Variants in AP3B2 observed in about 807,000 individuals in gnomAD.
The protein encoded by AP3B2 is adaptor related protein complex 3 subunit beta 2.
A neutral mutation model predicts 126.9 loss-of-function variants in AP3B2; 50 were observed. The observed-to-expected ratio is 0.39, with a 90% CI of 0.31 to 0.50. The LOEUF (loss-of-function observed/expected upper bound fraction) is 0.50. Ranked by LOEUF, AP3B2 falls within the 20% of genes least tolerant of loss-of-function variation. The pLI, the probability that AP3B2 is intolerant of heterozygous loss-of-function variation, is 0.79. For synonymous variants in AP3B2, 541 were observed against 565.0 expected, an observed-to-expected ratio of 0.96 and a Z score of 0.60; for missense variants, 1,177 against 1,426.4, an observed-to-expected ratio of 0.83 and a Z score of 2.82.
intron 10 of AP3B2, 142 bp downstream of exon 10, chr15:82,679,587 A>T: frequency 1.3e-6 from 1 of 751,330 alleles, no homozygotes; most frequent in Non-Finnish European, 2.2e-6. Flanking sequence ...CCCTGAACAA[A>T]CAGCTCCAGC....
intron 1 of AP3B2, chr15:82,689,901 G>C (rs377379874): frequency 6.8e-4 from 110 of 161,384 alleles, no homozygotes; most frequent in African/African-American, 2.5e-3. Flanking sequence ...CCTGGAGTTC[G>C]AGACCAGCCT....
intron 1 of AP3B2, among the ~76,000 whole-genome samples, chr15:82,703,382 CA>C (rs1198389230): frequency 1.8e-4 from 23 of 127,100 alleles, no homozygotes; most frequent in Admixed American, 3.1e-4. Flanking sequence ...TCCTGGGGGG[CA>C]AAGCACCCCC....
intron 14 of AP3B2, among the ~76,000 whole-genome samples, chr15:82,674,713 C>T (rs953917629): frequency 8.5e-5 from 13 of 152,210 alleles, no homozygotes; most frequent in Admixed American, 8.5e-4. Flanking sequence ...AACAAATGCA[C>T]ATGTAGCTCA....
intron 25 of AP3B2, among the ~76,000 whole-genome samples, chr15:82,660,659 T>C (rs2047926715): frequency 6.6e-6 from 1 of 152,136 alleles, no homozygotes; most frequent in Non-Finnish European, 1.5e-5. Context: ...TCAGCCTCTT[T>C]CCTCCCTCCA....
intron 1 of AP3B2, chr15:82,692,116 A>T: frequency 5.4e-6 from 8 of 1,493,404 alleles, no homozygotes; most frequent in Non-Finnish European, 7.4e-6. Flanking sequence ...CCGACTTCGT[A>T]AGTCCTGGAG....
intron 12 of AP3B2, 89 bp downstream of exon 12, chr15:82,677,582 G>A: frequency 2.1e-6 from 3 of 1,448,546 alleles, no homozygotes; most frequent in Non-Finnish European, 2.8e-6. Context: ...TGTCTAGGCA[G>A]ACTGGTGGAT....
chr15:82,679,893 G>A (rs769075419), intron 9 of AP3B2, 93 bp from the exon 10 acceptor site: 18 of 1,216,216 alleles, frequency 1.5e-5, no homozygotes, highest in Non-Finnish European at 2.2e-5. Flanking sequence ...CCAGCGCCCA[G>A]GATCCTTGCC....
intron 1 of AP3B2, among the ~76,000 whole-genome samples, chr15:82,700,797 G>C (rs1436849122): frequency 1.3e-5 from 2 of 152,106 alleles, no homozygotes; most frequent in Non-Finnish European, 2.9e-5. Flanking sequence ...CCGAAAAAGG[G>C]AAAGTCTTTA....
chr15:82,700,268 T>C (rs1292673481), intron 1 of AP3B2, among the ~76,000 whole-genome samples: 1 of 151,502 alleles, frequency 6.6e-6, no homozygotes, highest in Admixed American at 6.6e-5. Flanking sequence ...CCATCAACCT[T>C]CTCTTATCTC....
intron 13 of AP3B2, among the ~76,000 whole-genome samples, 200 bp from the exon 14 acceptor site, chr15:82,676,837 A>G (rs1362844600): frequency 6.6e-6 from 1 of 152,216 alleles, no homozygotes; most frequent in Non-Finnish European, 1.5e-5. Context: ...CCTCTTCCCT[A>G]GGGCTTCATT....
intron 1 of AP3B2, among the ~76,000 whole-genome samples, chr15:82,707,053 C>T (rs1030588391): frequency 8.5e-5 from 13 of 152,264 alleles, no homozygotes; most frequent in African/African-American, 1.9e-4. Flanking sequence ...AAGGCCACTG[C>T]GGTCATTTCT....
At chr15:82,670,097 T>G (rs887615865) in intron 14 of AP3B2, among the ~76,000 whole-genome samples, 1,262 of 37,362 alleles carry the variant, frequency 0.034, no homozygotes, top group Non-Finnish European at 0.04. Flanking sequence ...AAAAAATCAG[T>G]GGCTTTTTTT....
chr15:82,682,403 G>A (rs1437900480), intron 4 of AP3B2, among the ~76,000 whole-genome samples: 2 of 152,026 alleles, frequency 1.3e-5, no homozygotes. Flanking sequence ...ACGTATAAAA[G>A]CATTCCTTAC....
At chr15:82,677,171 G>C in intron 13 of AP3B2, 103 bp downstream of exon 13, 1 of 991,180 alleles carries the variant, frequency 1.0e-6, no homozygotes, top group Admixed American at 2.0e-5. Context: ...AAGACCTAAG[G>C]TTTGGAAGTT....
chr15:82,693,971 G>C (rs901503249), intron 1 of AP3B2, among the ~76,000 whole-genome samples: 1 of 151,558 alleles, frequency 6.6e-6, no homozygotes, highest in Non-Finnish European at 1.5e-5. Flanking sequence ...AAAGTGCTGG[G>C]ATTACAGGTG....
chr15:82,698,332 C>T (rs2048662111), intron 1 of AP3B2, among the ~76,000 whole-genome samples: 1 of 151,958 alleles, frequency 6.6e-6, no homozygotes, highest in South Asian at 2.1e-4. Flanking sequence ...CCTACAAACC[C>T]CCCAGACATA....
intron 1 of AP3B2, among the ~76,000 whole-genome samples, chr15:82,690,197 C>G (rs1345799965): frequency 6.6e-6 from 1 of 151,916 alleles, no homozygotes; most frequent in African/African-American, 2.4e-5. Context: ...TGAGACAATT[C>G]ATTTCTGCTG....
chr15:82,688,861 GCTTCTCAGCAGGCA>G, intron 3 of AP3B2, 30 bp from the exon 4 acceptor site: 1 of 1,578,662 alleles, frequency 6.3e-7, no homozygotes, highest in East Asian at 2.3e-5. Flanking sequence ...TCAGCAGAAC[GCTTCTCAGCAGGCA>G]CCTGTGCCCA....
In AP3B2 at chr15:82,686,211, A is replaced by T. The variant is rs528729710; in HGVS notation, c.360+2525T>A. On this transcript the variant is annotated intron_variant, in intron 4 of 26. Coordinates refer to ENST00000535359, the MANE Select transcript of AP3B2 (RefSeq NM_001278512.2). ...GTTTCATAGGGGGTTCAAGGGACCA[A>T]CTGTACAAAGACAGGATGTAGGGAG... 19 of 152,354 alleles carry T rather than the reference A, an allele frequency of 1.2e-4. No individual in the cohort carries two copies. The South Asian group carries it at 2.5e-3, about 20-fold the overall frequency. The allele number at this position is 152,354 out of a possible 1,614,324, so 9.4% of individuals were successfully genotyped here. A position where few individuals can be genotyped will look rare whatever the true frequency, so the allele number is the denominator to read the frequency against.
Sources: gnomAD v4.1 joint callset for allele counts (sites outside exome capture counted in the v4.1 genomes callset) on GRCh38, gnomAD v4.1.1 for gene constraint, MANE v1.5 for transcripts, NCBI Gene and HGNC (gene_info 2026-07-23, HGNC 2026-07-21) for gene names.